MGAT5: variants seen among roughly 807,000 people sequenced by gnomAD.
MGAT5 encodes the protein alpha-1,6-mannosylglycoprotein 6-beta-N-acetylglucosaminyltransferase, also known as alpha-1,6-mannosylglycoprotein 6-beta-N-acetylglucosaminyltransferase A.
Under a neutral mutation model 94.3 loss-of-function variants are expected in MGAT5, and 30 were observed. That is an observed-to-expected ratio of 0.32 (90% CI 0.24 to 0.43). MGAT5 has a LOEUF of 0.43. Among genes scored for constraint, MGAT5 ranks in the 20% least tolerant of loss-of-function variants. The pLI is 1.00. For missense variants in MGAT5, 691 were observed against 905.5 expected, an observed-to-expected ratio of 0.76 and a Z score of 3.04; for synonymous variants, 310 against 322.9, an observed-to-expected ratio of 0.96 and a Z score of 0.43.
chr2:134,354,735 G>A (rs532254263), intron 9 of MGAT5, among the ~76,000 whole-genome samples: 24 of 152,242 alleles, frequency 1.6e-4, no homozygotes, highest in African/African-American at 5.5e-4. Context: ...GCTTCTGGAG[G>A]GACTGGTGGC....
chr2:134,403,054 A>G lies in MGAT5; in HGVS notation c.1447A>G (p.Ser483Gly), dbSNP rs368286355. The G allele has an allele frequency of 1.2e-6, 2 of 1,612,986 alleles. No homozygotes were observed. The highest frequency in any genetic ancestry group is 1.7e-6 in the Non-Finnish European group (2 of 1,179,808). The part of the protein sequence containing the change: ...MEVHATVYGS[S>G]TKNIPSYVKN... ...AGTGCATGCAACTGTTTATGGCTCC[A>G]GCACAAAGAATATTCCCAGTTACGT... Residue 483 changes from serine (S) to glycine (G), a missense_variant, in exon 11 of 16, where the codon AGC becomes GGC. This residue lies in a region of MGAT5 where 260 missense variants were observed against 347.0 expected (regional missense o/e 0.75). Coordinates refer to ENST00000281923, the MANE Select transcript of MGAT5 (RefSeq NM_002410.5).
At chr2:134,439,224 C>T (rs1440516506) in intron 14 of MGAT5, among the ~76,000 whole-genome samples, 3 of 152,180 alleles carry the variant, frequency 2.0e-5, no homozygotes, top group Non-Finnish European at 4.4e-5. Flanking sequence ...AAGAAATCAT[C>T]AGTATCATCA....
At chr2:134,150,202 C>T (rs535928884) in intron 1 of MGAT5, among the ~76,000 whole-genome samples, 1 of 152,282 alleles carries the variant, frequency 6.6e-6, no homozygotes, top group African/African-American at 2.4e-5. Flanking sequence ...TGTAAATGTT[C>T]CCTTTCCCTG....
At chr2:134,219,805 G>C (rs913118592) in intron 1 of MGAT5, among the ~76,000 whole-genome samples, 5 of 152,306 alleles carry the variant, frequency 3.3e-5, no homozygotes, top group African/African-American at 1.2e-4. Flanking sequence ...GAAGTTGTTA[G>C]GAGTATTGGT....
intron 7 of MGAT5, among the ~76,000 whole-genome samples, chr2:134,342,752 T>A (rs894179111): frequency 2.0e-5 from 3 of 150,088 alleles, no homozygotes; most frequent in African/African-American, 4.9e-5. Context: ...ATACACAACC[T>A]ACAAAGTGGC....
In MGAT5 at chr2:134,268,297, G is replaced by A. The variant is rs3791278; in HGVS notation, c.242-2089G>A. ...GGATTCTAGCTGGCTGATGACACAG[G>A]CTCTAGGCAAAGAGGCTGAAATGGG... On this transcript the variant is annotated intron_variant, in intron 1 of 15. Coordinates refer to ENST00000281923, the MANE Select transcript of MGAT5 (RefSeq NM_002410.5). The surrounding 1 kb of genome is among the most constrained non-coding windows in gnomAD (Gnocchi z 4.1). Among the ~76,000 whole-genome samples, 21,947 of 152,198 alleles carry A rather than the reference G, an allele frequency of 0.14. 2,567 individuals carry two copies. The highest frequency in any genetic ancestry group is 0.36 in the East Asian group (1,859 of 5,184).
At chr2:134,287,409 C>T (rs1283631351) in intron 2 of MGAT5, among the ~76,000 whole-genome samples, 2 of 151,994 alleles carry the variant, frequency 1.3e-5, no homozygotes, top group Non-Finnish European at 2.9e-5. Context: ...GAGAGTTTTT[C>T]TTTTTCAGTT....
At chr2:134,197,515 A>G (rs1297449018) in intron 1 of MGAT5, among the ~76,000 whole-genome samples, 1 of 152,246 alleles carries the variant, frequency 6.6e-6, no homozygotes, top group Non-Finnish European at 1.5e-5. Flanking sequence ...ACCTCCTGGT[A>G]TAACTTGCTA....
intron 2 of MGAT5, among the ~76,000 whole-genome samples, chr2:134,295,220 A>AGAACAAT (rs11281498): frequency 0.62 from 93,776 of 151,254 alleles, 30,577 homozygotes; most frequent in East Asian, 0.75. Flanking sequence ...ATGCCAGAAA[A>AGAACAAT]GAACAATGAG....
At chr2:134,217,757 A>T (rs1558992379) in intron 1 of MGAT5, among the ~76,000 whole-genome samples, 1 of 152,144 alleles carries the variant, frequency 6.6e-6, no homozygotes, top group Non-Finnish European at 1.5e-5. Flanking sequence ...CTGGGCTCTT[A>T]TTTGGTCCTC....
chr2:134,256,674 A>G (rs1682980744), intron 1 of MGAT5, among the ~76,000 whole-genome samples: 2 of 152,362 alleles, frequency 1.3e-5, no homozygotes, highest in African/African-American at 4.8e-5. Context: ...AATTTCAGCC[A>G]CCTTATATGC....
chr2:134,289,319 C>T (rs1685202524), intron 2 of MGAT5, among the ~76,000 whole-genome samples: 1 of 152,154 alleles, frequency 6.6e-6, no homozygotes, highest in Non-Finnish European at 1.5e-5. Flanking sequence ...CTTTTCTCTT[C>T]CAGGGTGCCG....
chr2:134,346,688 A>G (rs1476197704), intron 8 of MGAT5, among the ~76,000 whole-genome samples: 1 of 152,172 alleles, frequency 6.6e-6, no homozygotes, highest in Non-Finnish European at 1.5e-5. Flanking sequence ...TTGGTCTTGG[A>G]AAAATAATTG....
chr2:134,203,501 T>C (rs1048898176), intron 1 of MGAT5, among the ~76,000 whole-genome samples: 4 of 152,082 alleles, frequency 2.6e-5, no homozygotes, highest in African/African-American at 9.7e-5. Flanking sequence ...ATGTTTTTTT[T>C]CCCCAAAAGC....
chr2:134,167,424 G>A (rs897821802), intron 1 of MGAT5, among the ~76,000 whole-genome samples: 22 of 152,218 alleles, frequency 1.4e-4, no homozygotes, highest in African/African-American at 5.3e-4. Flanking sequence ...ATGCATCCAA[G>A]AATCACCTGG....
intron 1 of MGAT5, among the ~76,000 whole-genome samples, chr2:134,158,388 G>A (rs1687578049): frequency 6.6e-6 from 1 of 152,222 alleles, no homozygotes; most frequent in South Asian, 2.1e-4. Flanking sequence ...CTGGAGGGGT[G>A]GCAGAGGGCT....
intron 1 of MGAT5, among the ~76,000 whole-genome samples, chr2:134,261,634 C>A (rs1409092081): frequency 1.3e-5 from 2 of 152,222 alleles, no homozygotes; most frequent in African/African-American, 4.8e-5. Context: ...CTGTTACTCT[C>A]ATTCTTTATA....
intron 3 of MGAT5, 74 bp downstream of exon 3, chr2:134,317,679 T>G: frequency 9.9e-7 from 1 of 1,008,694 alleles, no homozygotes; most frequent in Non-Finnish European, 1.4e-6. Flanking sequence ...CTTTTCCTCC[T>G]CAGTGACACA....
chr2:134,201,021 C>T lies in MGAT5; in HGVS notation c.-142-53241C>T, dbSNP rs186908816. Among the ~76,000 whole-genome samples, 590 of 152,138 alleles carry T rather than the reference C, an allele frequency of 3.9e-3. 1 individual carries two copies. The highest frequency in any genetic ancestry group is 0.013 in the African/African-American group (543 of 41,546). On this transcript the variant is annotated intron_variant, in intron 1 of 16. Coordinates refer to the MGAT5 transcript ENST00000409645. ...CCTTGAACTCCTGGGCTCAAGCCAT[C>T]TTCCTGCCTCAGCCTCCTGAGTAGC... is the stretch of plus-strand genomic sequence containing the variant.
Sources: gnomAD v4.1 joint callset for allele counts (sites outside exome capture counted in the v4.1 genomes callset) on GRCh38, gnomAD v4.1.1 for gene constraint, gnomAD v4.1.1 regional missense constraint, Gnocchi (gnomAD v3.1) non-coding constraint, MANE v1.5 for transcripts, NCBI Gene and HGNC (gene_info 2026-07-23, HGNC 2026-07-21) for gene names.